RELN: variants seen among roughly 807,000 people sequenced by gnomAD.
RELN encodes the protein reelin.
A neutral mutation model predicts 427.6 loss-of-function variants in RELN; 108 were observed. The observed-to-expected ratio is 0.25, with a 90% CI of 0.22 to 0.30. The LOEUF (loss-of-function observed/expected upper bound fraction) is 0.30. RELN is among the 10% of genes least tolerant of loss of function. RELN has a pLI of 1.00. For synonymous variants in RELN, 1,524 were observed against 1,513.4 expected, an observed-to-expected ratio of 1.01 and a Z score of -0.16; for missense variants, 3,715 against 4,302.8, an observed-to-expected ratio of 0.86 and a Z score of 3.82.
intron 6 of RELN, among the ~76,000 whole-genome samples, chr7:103,743,199 G>A (rs1377831764): frequency 6.6e-6 from 1 of 152,178 alleles, no homozygotes; most frequent in Non-Finnish European, 1.5e-5. Context: ...ATACTTTACA[G>A]ACAAGCAAAT....
At chr7:103,976,186 A>T (rs938596536) in intron 1 of RELN, among the ~76,000 whole-genome samples, 1 of 152,200 alleles carries the variant, frequency 6.6e-6, no homozygotes, top group Admixed American at 6.5e-5. Context: ...GTATAGCTAG[A>T]ATGACTATAT....
intron 3 of RELN, among the ~76,000 whole-genome samples, chr7:103,825,581 G>A (rs1793117334): frequency 6.6e-6 from 1 of 152,096 alleles, no homozygotes; most frequent in Non-Finnish European, 1.5e-5. Flanking sequence ...TGTGTCCTTT[G>A]AATTGCATGG....
chr7:103,871,069 T>C (rs532408651), intron 2 of RELN, among the ~76,000 whole-genome samples: 39 of 152,208 alleles, frequency 2.6e-4, no homozygotes, highest in African/African-American at 7.7e-4. Flanking sequence ...TGTTGTCCAG[T>C]AAGTAAAAAC....
chr7:103,685,412 T>C (rs899167342), intron 10 of RELN, among the ~76,000 whole-genome samples: 1 of 152,122 alleles, frequency 6.6e-6, no homozygotes, highest in African/African-American at 2.4e-5. Context: ...TATTTTACTT[T>C]GAGCATCATG....
At chr7:103,655,625 T>C (rs1833008138) in intron 12 of RELN, among the ~76,000 whole-genome samples, 1 of 152,090 alleles carries the variant, frequency 6.6e-6, no homozygotes, top group Non-Finnish European at 1.5e-5. Context: ...TGATATGTGA[T>C]ATTAAGCGGG....
chr7:103,977,147 CT>C (rs1406949464), intron 1 of RELN, among the ~76,000 whole-genome samples: 3 of 151,470 alleles, frequency 2.0e-5, no homozygotes, highest in Non-Finnish European at 4.4e-5. Context: ...CCCGTCTCTA[CT>C]AAAAATACAA....
At chr7:103,505,726 T>C (rs1270838910) in intron 51 of RELN, among the ~76,000 whole-genome samples, 1 of 152,070 alleles carries the variant, frequency 6.6e-6, no homozygotes, top group East Asian at 1.9e-4. Flanking sequence ...CAAAACGAGA[T>C]GGAGAATGAG....
At chr7:103,909,752 TA>T (rs1795310981) in intron 2 of RELN, among the ~76,000 whole-genome samples, 1 of 89,740 alleles carries the variant, frequency 1.1e-5, no homozygotes, top group Non-Finnish European at 1.8e-5. Flanking sequence ...TAAATATATA[TA>T]TTAAATATAT....
chr7:103,985,299 G>A (rs970510096), intron 1 of RELN, among the ~76,000 whole-genome samples: 1 of 152,054 alleles, frequency 6.6e-6, no homozygotes, highest in African/African-American at 2.4e-5. Flanking sequence ...TTTTCTCTCA[G>A]TTGATATTTT....
intron 12 of RELN, among the ~76,000 whole-genome samples, chr7:103,660,586 G>A (rs1460988623): frequency 1.3e-5 from 2 of 152,188 alleles, no homozygotes; most frequent in African/African-American, 4.8e-5. Flanking sequence ...GTTAGACTCA[G>A]GAGATCTGTT....
At chr7:103,589,271 T>C (rs550168711) in intron 28 of RELN, among the ~76,000 whole-genome samples, 2 of 152,336 alleles carry the variant, frequency 1.3e-5, no homozygotes, top group Admixed American at 6.5e-5. Context: ...TACACATTTA[T>C]ACATTTTGCT....
chr7:103,632,410 C>T (rs1832490264), intron 19 of RELN, among the ~76,000 whole-genome samples: 1 of 152,148 alleles, frequency 6.6e-6, no homozygotes, highest in African/African-American at 2.4e-5. Flanking sequence ...CAGTATATGC[C>T]TGATAGAGAT....
At chr7:103,663,084 T>G (rs1189593360) in intron 11 of RELN, among the ~76,000 whole-genome samples, 1 of 152,118 alleles carries the variant, frequency 6.6e-6, no homozygotes, top group East Asian at 1.9e-4. Flanking sequence ...AAACTCAGGG[T>G]CATTCTTTAA....
At chr7:103,537,811 T>A (rs1830088234) in intron 45 of RELN, among the ~76,000 whole-genome samples, 1 of 152,210 alleles carries the variant, frequency 6.6e-6, no homozygotes, top group African/African-American at 2.4e-5. Context: ...GCTTACAGCC[T>A]AGTTTGGGGG....
rs34952499 is a variant in RELN at position 103,852,672 on chromosome 7, TTTGTTG to T, written c.338-19006_338-19001del. On this transcript the variant is annotated intron_variant, in intron 2 of 64. Coordinates refer to ENST00000428762, the MANE Select transcript of RELN (RefSeq NM_005045.4). Reference sequence around the variant, plus strand: ...CTTCATTCAGTAACTCACCTTTGTTTTTGTTGTTGTTGTTGTTGTTTGTTTGTTTTT... The same window carrying T: ...CTTCATTCAGTAACTCACCTTTGTTTTTGTTGTTGTTGTTTGTTTGTTTTT... Among the ~76,000 whole-genome samples the T allele has an allele frequency of 3.1e-3, 466 of 151,668 alleles. 2 individuals carry two copies. The highest frequency in any genetic ancestry group is 7.1e-3 in the African/African-American group (295 of 41,398).
At chr7:103,555,060 C>A (rs1257069723) in intron 38 of RELN, among the ~76,000 whole-genome samples, 2 of 152,066 alleles carry the variant, frequency 1.3e-5, no homozygotes, top group East Asian at 3.8e-4. Flanking sequence ...TCTGGAGATA[C>A]TGTGGGAATA....
At position 103,539,268 on chromosome 7, in the gene RELN, A is replaced by C; in HGVS notation, c.6990T>G (p.Leu2330=). 1.2e-6 allele frequency: 2 copies of C among 1,614,194 alleles called. No homozygotes were observed. Among genetic ancestry groups the C allele is most frequent in the Non-Finnish European group, 1.7e-6 (2 of 1,180,014 alleles). Residue 2330 remains leucine (L), a synonymous_variant, in exon 45 of 65, where the codon CTT becomes CTG. Coordinates refer to ENST00000428762, the MANE Select transcript of RELN (RefSeq NM_005045.4). ...GGTGAAGCAGCCATTTCCTACTATC[A>C]AGGGTTGTGAAATCATCTTCCAAGA... is the stretch of plus-strand genomic sequence containing the variant. ...NTVLEDDFTT[L]DSRKWLLHPG... is the part of the protein sequence containing the mutation.
intron 63 of RELN, chr7:103,478,669 A>G (rs925161983): frequency 1.3e-4 from 39 of 306,044 alleles, no homozygotes; most frequent in Admixed American, 2.8e-4. Flanking sequence ...ATTTGGCATA[A>G]ATGTTGCATA....
intron 2 of RELN, among the ~76,000 whole-genome samples, chr7:103,864,935 A>G (rs529825451): frequency 4.6e-5 from 7 of 152,072 alleles, no homozygotes; most frequent in African/African-American, 1.7e-4. Context: ...GAGTAACCCA[A>G]AAGAAATAAA....
Sources: gnomAD v4.1 joint callset for allele counts (sites outside exome capture counted in the v4.1 genomes callset) on GRCh38, gnomAD v4.1.1 for gene constraint, MANE v1.5 for transcripts, NCBI Gene and HGNC (gene_info 2026-07-23, HGNC 2026-07-21) for gene names.